ADAMTS19: variants seen among roughly 807,000 people sequenced by gnomAD.
ADAMTS19 encodes A disintegrin and metalloproteinase with thrombospondin motifs 19.
Under a neutral mutation model 153.3 loss-of-function variants are expected in ADAMTS19, and 93 were observed. The observed-to-expected ratio is 0.61, with a 90% confidence interval of 0.51 to 0.72. The LOEUF (loss-of-function observed/expected upper bound fraction) is 0.72, where lower values mean the gene tolerates loss of function less well. ADAMTS19 is among the 30% of genes least tolerant of loss of function. The pLI is 0.00. For synonymous variants in ADAMTS19, 600 were observed against 556.6 expected, an observed-to-expected ratio of 1.08 and a Z score of -1.10; for missense variants, 1,482 against 1,552.1, an observed-to-expected ratio of 0.95 and a Z score of 0.76.
intron 18 of ADAMTS19, among the ~76,000 whole-genome samples, chr5:129,691,713 T>G (rs920189760): frequency 1.3e-5 from 2 of 152,160 alleles, no homozygotes; most frequent in African/African-American, 4.8e-5. Flanking sequence ...TCTTACAATG[T>G]AAATGGAAAT....
chr5:129,502,341 G>A lies in ADAMTS19; in HGVS notation c.748-6736G>A, dbSNP rs116342385. ...TAAAAATTTAAGTAGAGTGTAAGTA[G>A]CAAGCAAAGATAGCGTGATGTGTCA... is the stretch of plus-strand genomic sequence containing the variant. On this transcript the variant is annotated intron_variant, in intron 2 of 22. Transcript: ENST00000274487. Among the ~76,000 whole-genome samples the A allele has an allele frequency of 5.8e-3, 882 of 152,224 alleles. 13 individuals carry two copies. Among genetic ancestry groups the A allele is most frequent in the Middle Eastern group, 0.02 (6 of 294 alleles).
At position 129,466,562 on chromosome 5, in the gene ADAMTS19, A is replaced by C. The variant is rs1228714934; in HGVS notation, c.747+4805A>C. Among the ~76,000 whole-genome samples, 4 of 152,304 alleles carry C rather than the reference A, an allele frequency of 2.6e-5. No homozygotes were observed. In the East Asian group the frequency reaches 7.7e-4, roughly 29 times the overall value. On this transcript the variant is annotated intron_variant, in intron 2 of 22. Transcript: ENST00000274487. ...AACTCAATAGATGAGTTGATAGGTAAATTTGTGATATGGAAGATCAAACCC... is the reference window on the plus strand; with the variant it reads ...AACTCAATAGATGAGTTGATAGGTACATTTGTGATATGGAAGATCAAACCC...
At chr5:129,483,927 C>T (rs373651642) in intron 2 of ADAMTS19, among the ~76,000 whole-genome samples, 21 of 152,182 alleles carry the variant, frequency 1.4e-4, no homozygotes, top group Admixed American at 7.2e-4. Context: ...ACAGGGCTTG[C>T]GTTATTAAAA....
chr5:129,531,090 C>G (rs1752187490), intron 6 of ADAMTS19, among the ~76,000 whole-genome samples: 1 of 151,868 alleles, frequency 6.6e-6, no homozygotes, highest in African/African-American at 2.4e-5. Flanking sequence ...AATATGTGTA[C>G]AACCTCTAAA....
intron 2 of ADAMTS19, among the ~76,000 whole-genome samples, chr5:129,501,358 A>G (rs1751101267): frequency 6.6e-6 from 1 of 152,134 alleles, no homozygotes; most frequent in South Asian, 2.1e-4. Flanking sequence ...AAGAAGTCTG[A>G]TCATATAGAA....
At chr5:129,536,534 A>C (rs573929463) in intron 6 of ADAMTS19, among the ~76,000 whole-genome samples, 2 of 152,246 alleles carry the variant, frequency 1.3e-5, no homozygotes, top group South Asian at 4.1e-4. Context: ...ACTAGAAATA[A>C]CATTTGAACC....
chr5:129,717,520 A>T (rs1756787726), intron 21 of ADAMTS19, among the ~76,000 whole-genome samples: 1 of 152,240 alleles, frequency 6.6e-6, no homozygotes, highest in Admixed American at 6.5e-5. Context: ...ATTTGAAAAT[A>T]TGTTTTTAAG....
intron 11 of ADAMTS19, among the ~76,000 whole-genome samples, chr5:129,646,578 T>C (rs1327342209): frequency 1.3e-5 from 2 of 152,190 alleles, no homozygotes; most frequent in African/African-American, 2.4e-5. Flanking sequence ...AACTCTATTA[T>C]TATTACAGTT....
At chr5:129,581,318 G>T (rs1298002871) in intron 7 of ADAMTS19, among the ~76,000 whole-genome samples, 1 of 151,790 alleles carries the variant, frequency 6.6e-6, no homozygotes, top group African/African-American at 2.4e-5. Context: ...CTTCTTCCTG[G>T]TTTAGTCTTG....
chr5:129,528,202 T>C (rs1419621341), intron 5 of ADAMTS19, among the ~76,000 whole-genome samples: 1 of 152,034 alleles, frequency 6.6e-6, no homozygotes, highest in Admixed American at 6.6e-5. Context: ...CTTTAGAAAA[T>C]GGTGTTCTAC....
chr5:129,701,722 G>T (rs909301825), intron 20 of ADAMTS19, 130 bp downstream of exon 20: 3 of 581,794 alleles, frequency 5.2e-6, no homozygotes, highest in African/African-American at 3.8e-5. Flanking sequence ...TTTTGTTGAT[G>T]ATTAAAGGAA....
At chr5:129,673,217 T>C (rs1754391979) in intron 16 of ADAMTS19, among the ~76,000 whole-genome samples, 1 of 152,036 alleles carries the variant, frequency 6.6e-6, no homozygotes, top group African/African-American at 2.4e-5. Flanking sequence ...TCTATTTACA[T>C]TGGGTTTATA....
intron 6 of ADAMTS19, among the ~76,000 whole-genome samples, chr5:129,544,370 T>C (rs878898645): frequency 6.6e-6 from 1 of 152,154 alleles, no homozygotes; most frequent in Admixed American, 6.6e-5. Flanking sequence ...ATATAAAATG[T>C]AATAATAAAA....
intron 8 of ADAMTS19, among the ~76,000 whole-genome samples, chr5:129,616,630 C>T (rs984813140): frequency 6.6e-6 from 1 of 151,952 alleles, no homozygotes; most frequent in South Asian, 2.1e-4. Context: ...AATATTTTTT[C>T]AGTTGACTTG....
intron 7 of ADAMTS19, among the ~76,000 whole-genome samples, chr5:129,553,320 C>T (rs1312823117): frequency 6.6e-6 from 1 of 152,056 alleles, no homozygotes; most frequent in Non-Finnish European, 1.5e-5. Flanking sequence ...TAAGAAGAAC[C>T]AATTTCTGTT....
chr5:129,464,658 G>C (rs547895004), intron 2 of ADAMTS19, among the ~76,000 whole-genome samples: 2 of 152,218 alleles, frequency 1.3e-5, no homozygotes, highest in South Asian at 4.1e-4. Context: ...TCTAACTTGT[G>C]TTATCAAAGG....
At chr5:129,577,442 C>A (rs1561580346) in intron 7 of ADAMTS19, among the ~76,000 whole-genome samples, 1 of 151,942 alleles carries the variant, frequency 6.6e-6, no homozygotes, top group African/African-American at 2.4e-5. Flanking sequence ...GAAAAAATAG[C>A]CCATACAAAT....
chr5:129,500,875 T>C (rs1334615182), intron 2 of ADAMTS19, among the ~76,000 whole-genome samples: 2 of 152,088 alleles, frequency 1.3e-5, no homozygotes, highest in African/African-American at 4.8e-5. Context: ...GAGGATAAAC[T>C]ATTATTTGGC....
chr5:129,561,816 C>CCCA (rs1561572336), intron 7 of ADAMTS19, among the ~76,000 whole-genome samples: 8 of 145,706 alleles, frequency 5.5e-5, no homozygotes, highest in African/African-American at 1.8e-4. Context: ...CACATTTCAC[C>CCCA]CTACTATCTA....
Sources: allele counts gnomAD v4.1 joint callset (sites outside exome capture counted in the v4.1 genomes callset), GRCh38; gene constraint gnomAD v4.1.1; transcripts MANE v1.5; gene names NCBI Gene and HGNC (gene_info 2026-07-23, HGNC 2026-07-21).